Variants in COL23A1 observed in about 807,000 individuals in gnomAD.
COL23A1 encodes the protein collagen alpha-1(XXIII) chain.
Under a neutral mutation model 99.3 loss-of-function variants are expected in COL23A1, and 97 were observed. The observed-to-expected ratio is 0.98, with a 90% CI of 0.83 to 1.16. COL23A1 has a LOEUF of 1.16. Among genes scored for constraint, COL23A1 ranks in the 50% most tolerant of loss-of-function variants. The pLI, the probability that COL23A1 is intolerant of heterozygous loss-of-function variation, is 0.00. For missense variants in COL23A1, 762 were observed against 757.4 expected, an observed-to-expected ratio of 1.01 and a Z score of -0.07; for synonymous variants, 320 against 308.2, an observed-to-expected ratio of 1.04 and a Z score of -0.40.
At position 178,248,252 on chromosome 5, in the gene COL23A1, G is replaced by A. The variant is rs779182662; in HGVS notation, c.1152C>T (p.Gly384=). Residue 384 remains glycine, a splice_region_variant and synonymous_variant, in exon 20 of 29, where the codon GGC becomes GGT. Coordinates refer to ENST00000390654, the MANE Select transcript of COL23A1 (RefSeq NM_173465.4). ...AGEMGLSGLP[G]ADGLKGEKGE... ...CCTTCTCCCCCTTGAGGCCGTCAGC[G>A]CCCTGCAGGACGGCAATGGCCTGTG... 1.9e-5 allele frequency: 31 copies of A among 1,611,080 alleles called. No homozygotes were observed. Among genetic ancestry groups the A allele is most frequent in the Admixed American group, 1.2e-4 (7 of 59,870 alleles).
chr5:178,560,310 G>C (rs1432432088), intron 2 of COL23A1, among the ~76,000 whole-genome samples: 2 of 152,166 alleles, frequency 1.3e-5, no homozygotes, highest in Non-Finnish European at 2.9e-5. Context: ...TAGAGCTCTG[G>C]TTGCAATGTT....
chr5:178,425,507 A>T (rs1322151820), intron 2 of COL23A1, among the ~76,000 whole-genome samples: 1 of 152,046 alleles, frequency 6.6e-6, no homozygotes, highest in African/African-American at 2.4e-5. Context: ...TCCCGCGCTC[A>T]CCTCTGTTTC....
intron 2 of COL23A1, among the ~76,000 whole-genome samples, chr5:178,551,405 T>G (rs1471687064): frequency 6.6e-6 from 1 of 152,064 alleles, no homozygotes; most frequent in East Asian, 1.9e-4. Context: ...TTCTAATTAT[T>G]TTTTTCCTTT....
intron 1 of COL23A1, among the ~76,000 whole-genome samples, chr5:178,577,187 G>A (rs892518147): frequency 6.6e-6 from 1 of 152,142 alleles, no homozygotes; most frequent in African/African-American, 2.4e-5. Context: ...CGGGTGGTCC[G>A]GAGCCCGGGG....
chr5:178,584,626 G>A (rs1054003227), intron 1 of COL23A1, among the ~76,000 whole-genome samples: 1 of 152,164 alleles, frequency 6.6e-6, no homozygotes, highest in Non-Finnish European at 1.5e-5. Context: ...GAGGGAAGGA[G>A]GGACAGCCTG....
chr5:178,355,614 C>G (rs57957273), intron 2 of COL23A1, among the ~76,000 whole-genome samples: 2 of 152,056 alleles, frequency 1.3e-5, no homozygotes, highest in African/African-American at 4.8e-5. Flanking sequence ...CTCACTGCAA[C>G]CGCCGCCTCC....
At chr5:178,508,345 C>A (rs540584733) in intron 2 of COL23A1, among the ~76,000 whole-genome samples, 1 of 152,322 alleles carries the variant, frequency 6.6e-6, no homozygotes, top group Non-Finnish European at 1.5e-5. Flanking sequence ...TCTCTGCCAT[C>A]TCAGTGTTGG....
intron 2 of COL23A1, among the ~76,000 whole-genome samples, chr5:178,312,483 C>T (rs544121618): frequency 1.1e-4 from 17 of 152,266 alleles, no homozygotes; most frequent in South Asian, 6.2e-4. Flanking sequence ...GAACTCACGC[C>T]GCTGATCAAC....
rs191819973 is a variant in COL23A1, at chr5:178,300,151, C to T, written c.406+6724G>A. 3.9e-3 allele frequency among the ~76,000 whole-genome samples: 594 copies of T among 151,704 alleles called. 5 individuals are homozygous for T. Among genetic ancestry groups the T allele is most frequent in the African/African-American group, 0.014 (565 of 41,348 alleles). On this transcript the variant is annotated intron_variant, in intron 3 of 28. Transcript: ENST00000390654. ...TGAGATCTTGGCTCACTGCAACCTC[C>T]GCTCCTCCAGGTTTAAGCAATTCTC...
chr5:178,376,690 G>A (rs1042372781), intron 2 of COL23A1, among the ~76,000 whole-genome samples: 47 of 152,336 alleles, frequency 3.1e-4, no homozygotes, highest in Non-Finnish European at 7.3e-5. Context: ...AGGCCACACA[G>A]CTAGGAGACA....
chr5:178,487,287 G>GTTTTTTT (rs778127626), intron 2 of COL23A1, among the ~76,000 whole-genome samples: 4 of 137,560 alleles, frequency 2.9e-5, no homozygotes, highest in East Asian at 2.0e-4. Flanking sequence ...ACCAGCCTCA[G>GTTTTTTT]TTTTATTTAT....
intron 3 of COL23A1, among the ~76,000 whole-genome samples, chr5:178,302,861 TG>T (rs1758147971): frequency 6.6e-6 from 1 of 152,230 alleles, no homozygotes; most frequent in African/African-American, 2.4e-5. Context: ...TTGGGTATGG[TG>T]CTTTTCCATG....
intron 2 of COL23A1, among the ~76,000 whole-genome samples, chr5:178,509,700 G>C (rs926516059): frequency 2.6e-5 from 4 of 152,068 alleles, no homozygotes; most frequent in African/African-American, 9.7e-5. Flanking sequence ...GCACTAACCA[G>C]CATCTAAGCA....
chr5:178,241,589 G>A (rs1452359850), intron 27 of COL23A1, among the ~76,000 whole-genome samples: 2 of 152,172 alleles, frequency 1.3e-5, no homozygotes, highest in East Asian at 1.9e-4. Context: ...CACTGCCTCC[G>A]CCCCCAGCGG....
intron 2 of COL23A1, among the ~76,000 whole-genome samples, chr5:178,312,364 G>C (rs1428325690): frequency 6.6e-6 from 1 of 152,216 alleles, no homozygotes; most frequent in Non-Finnish European, 1.5e-5. Flanking sequence ...AGCAGCATCA[G>C]CACAGTAAAC....
intron 2 of COL23A1, among the ~76,000 whole-genome samples, chr5:178,375,381 C>T (rs997169308): frequency 1.3e-5 from 2 of 152,202 alleles, no homozygotes; most frequent in African/African-American, 4.8e-5. Context: ...CGACTGCCTC[C>T]AGGCACCACC....
At chr5:178,286,828 TG>T (rs1252719262) in intron 5 of COL23A1, among the ~76,000 whole-genome samples, 1 of 152,038 alleles carries the variant, frequency 6.6e-6, no homozygotes, top group Non-Finnish European at 1.5e-5. Flanking sequence ...TCGAGGCTGG[TG>T]GGGAACGGAC....
intron 2 of COL23A1, among the ~76,000 whole-genome samples, chr5:178,370,990 G>C (rs1056888330): frequency 3.9e-5 from 6 of 152,048 alleles, no homozygotes; most frequent in Non-Finnish European, 7.4e-5. Context: ...TTAATAACAA[G>C]GTTTTGTATT....
rs76701596 is a variant in COL23A1, at chr5:178,242,195, C to T, written c.1495-67G>A. 1,690 of 1,485,426 alleles carry T rather than the reference C, an allele frequency of 1.1e-3. 35 individuals are homozygous for T. In the East Asian group the frequency reaches 0.033, roughly 29 times the overall value. The allele number at this position is 1,485,426 out of a possible 1,614,324, so 92.0% of individuals were successfully genotyped here. ...GGCTTAGGAACCTCCAACATCTCTC[C>T]GAGAGAAGCGCGTGGGGCCAGCCTC... On this transcript the variant is annotated intron_variant, in intron 26 of 28. Transcript: ENST00000390654.
Sources: allele counts gnomAD v4.1 joint callset (sites outside exome capture counted in the v4.1 genomes callset), GRCh38; gene constraint gnomAD v4.1.1; transcripts MANE v1.5; gene names NCBI Gene and HGNC (gene_info 2026-07-23, HGNC 2026-07-21).